The following MYRIP variants were observed in gnomAD, a reference collection of about 807,000 sequenced individuals.
The protein encoded by MYRIP is rab effector MyRIP.
MYRIP carries 49 observed loss-of-function variants against 98.0 expected under a neutral mutation model. That is an observed-to-expected ratio of 0.50 (90% CI 0.40 to 0.63). MYRIP has a LOEUF of 0.63. MYRIP is among the 30% of genes least tolerant of loss of function. MYRIP has a pLI of 0.00. For synonymous variants in MYRIP, 404 were observed against 409.5 expected (o/e 0.99, Z 0.16); for missense variants, 1,004 against 1,058.2 (o/e 0.95, Z 0.71).
chr3:40,030,153 G>C (rs118000155), intron 2 of MYRIP, among the ~76,000 whole-genome samples: 1 of 151,684 alleles, frequency 6.6e-6, no homozygotes, highest in Non-Finnish European at 1.5e-5. Flanking sequence ...AGAAGGGAAA[G>C]AAAGGAAAGA....
intron 13 of MYRIP, among the ~76,000 whole-genome samples, chr3:40,247,333 G>T (rs533084016): frequency 4.6e-5 from 7 of 152,070 alleles, no homozygotes; most frequent in African/African-American, 1.7e-4. Context: ...AATGTTCTGT[G>T]AGCGTTATTT....
chr3:40,136,952 C>T (rs1300490880), intron 3 of MYRIP, among the ~76,000 whole-genome samples: 1 of 151,916 alleles, frequency 6.6e-6, no homozygotes, highest in African/African-American at 2.4e-5. Flanking sequence ...AAATGGACAC[C>T]CTAACATCAC....
At chr3:39,915,904 C>T (rs899626276) in intron 2 of MYRIP, among the ~76,000 whole-genome samples, 26 of 151,736 alleles carry the variant, frequency 1.7e-4, no homozygotes, top group Non-Finnish European at 3.7e-4. Context: ...TTTCTTTTCA[C>T]CCCTCCCCTA....
At chr3:39,934,720 T>C (rs75695621) in intron 2 of MYRIP, among the ~76,000 whole-genome samples, 250 of 152,322 alleles carry the variant, frequency 1.6e-3, no homozygotes, top group African/African-American at 5.7e-3. Context: ...TAAAAGTTAA[T>C]GTTTTTGTAG....
chr3:39,909,175 G>A (rs923435800), intron 2 of MYRIP, among the ~76,000 whole-genome samples: 1 of 152,152 alleles, frequency 6.6e-6, no homozygotes, highest in Non-Finnish European at 1.5e-5. Context: ...TGGGAGACCT[G>A]GGGAGAGAGC....
intron 13 of MYRIP, among the ~76,000 whole-genome samples, chr3:40,245,461 A>C (rs57412362): frequency 0.04 from 6,049 of 151,950 alleles, 281 homozygotes; most frequent in African/African-American, 0.11. Context: ...ATCCTGGCTA[A>C]CACAGTGAAA....
At chr3:39,898,021 A>G (rs1047477132) in intron 1 of MYRIP, among the ~76,000 whole-genome samples, 1 of 152,170 alleles carries the variant, frequency 6.6e-6, no homozygotes, top group African/African-American at 2.4e-5. Context: ...TTTTAAAGGA[A>G]GAATCAGTCT....
intron 4 of MYRIP, among the ~76,000 whole-genome samples, chr3:40,157,884 CTCTT>C: frequency 6.6e-6 from 1 of 152,172 alleles, no homozygotes; most frequent in Admixed American, 6.5e-5. Flanking sequence ...ATTCTTCTCT[CTCTT>C]TTTCTTTATT....
intron 11 of MYRIP, among the ~76,000 whole-genome samples, chr3:40,229,608 G>A (rs1167880666): frequency 1.3e-5 from 2 of 152,216 alleles, no homozygotes; most frequent in East Asian, 3.9e-4. Flanking sequence ...GCTGAGAGGA[G>A]TCAGATCTTA....
At chr3:40,057,846 G>A (rs542564344) in intron 3 of MYRIP, among the ~76,000 whole-genome samples, 2 of 152,244 alleles carry the variant, frequency 1.3e-5, no homozygotes, top group South Asian at 2.1e-4. Context: ...GGGTTTGAAT[G>A]CTGGATTAGC....
At chr3:40,012,287 G>A (rs1477933401) in intron 2 of MYRIP, among the ~76,000 whole-genome samples, 1 of 152,096 alleles carries the variant, frequency 6.6e-6, no homozygotes, top group African/African-American at 2.4e-5. Flanking sequence ...ACCGACTGGT[G>A]GCTTCAAAAT....
intron 2 of MYRIP, among the ~76,000 whole-genome samples, chr3:39,917,909 G>A (rs1944201897): frequency 6.6e-6 from 1 of 151,104 alleles, no homozygotes; most frequent in Non-Finnish European, 1.5e-5. Flanking sequence ...TCTCCACTTT[G>A]GATTACTGAC....
chr3:40,213,635 C>G (rs115275667), intron 11 of MYRIP, among the ~76,000 whole-genome samples: 1 of 118,104 alleles, frequency 8.5e-6, no homozygotes, highest in African/African-American at 2.9e-5. Context: ...CACAGACACA[C>G]ACACACACTC....
At chr3:40,183,589 G>A (rs1469467120) in intron 9 of MYRIP, among the ~76,000 whole-genome samples, 1 of 152,134 alleles carries the variant, frequency 6.6e-6, no homozygotes, top group Non-Finnish European at 1.5e-5. Context: ...TGTGCTCAGG[G>A]GGCCTCCTGG....
intron 16 of MYRIP, among the ~76,000 whole-genome samples, chr3:40,254,508 C>T (rs752893701): frequency 2.2e-4 from 34 of 152,020 alleles, no homozygotes; most frequent in Non-Finnish European, 4.1e-4. Context: ...GTGACTGCAC[C>T]TGTAAAGATA....
intron 8 of MYRIP, among the ~76,000 whole-genome samples, chr3:40,176,841 A>G (rs2125607960): frequency 6.7e-6 from 1 of 148,756 alleles, no homozygotes; most frequent in South Asian, 2.2e-4. Flanking sequence ...CCCAGGAGGC[A>G]GAGGTTGCAA....
intron 2 of MYRIP, among the ~76,000 whole-genome samples, chr3:39,956,994 C>CTGAATAGACCAATAACAGGCTCTG (rs1945183018): frequency 6.6e-6 from 1 of 151,770 alleles, no homozygotes; most frequent in African/African-American, 2.4e-5. Flanking sequence ...AGTTGAATCC[C>CTGAATAGACCAATAACAGGCTCTG]TGAATAGACC....
Position 40,158,828 on chromosome 3 carries a change from A to ATT in MYRIP, c.470-3899_470-3898dup, listed in dbSNP as rs1372218695. ...AGACTAGCATTGCAACCCCTGCCTT[A>ATT]TTTTGTTTTCCATTTGCTTGGTAGA... On this transcript the variant is annotated intron_variant, in intron 4 of 16. Coordinates refer to ENST00000302541, the MANE Select transcript of MYRIP (RefSeq NM_015460.4). Among the ~76,000 whole-genome samples, 2 of 136,722 alleles carry ATT rather than the reference A, an allele frequency of 1.5e-5. 1 individual carries two copies. Among genetic ancestry groups the ATT allele is most frequent in the East Asian group, 4.4e-4 (2 of 4,558 alleles). The allele number at this position is 136,722 out of a possible 152,430, so 89.7% of individuals were successfully genotyped here.
At chr3:39,839,608 C>T (rs1257724602) in intron 1 of MYRIP, among the ~76,000 whole-genome samples, 1 of 152,132 alleles carries the variant, frequency 6.6e-6, no homozygotes, top group African/African-American at 2.4e-5. Context: ...CTCTTTCCTG[C>T]TTTCTTCTGT....
Sources: allele counts gnomAD v4.1 joint callset (sites outside exome capture counted in the v4.1 genomes callset), GRCh38; gene constraint gnomAD v4.1.1; transcripts MANE v1.5; gene names NCBI Gene and HGNC (gene_info 2026-07-23, HGNC 2026-07-21).